ULK4: variants seen among roughly 807,000 people sequenced by gnomAD.
ULK4 encodes inactive serine/threonine-protein kinase ULK4.
Under a neutral mutation model 160.6 loss-of-function variants are expected in ULK4, and 133 were observed. The ratio of observed to expected loss-of-function variants is 0.83; its 90% CI spans 0.72 to 0.96. The LOEUF (loss-of-function observed/expected upper bound fraction) is 0.96, where lower values mean the gene tolerates loss of function less well. ULK4 is among the 40% of genes least tolerant of loss of function. The probability of loss-of-function intolerance (pLI) is 0.00; values close to 1 mark genes in which losing one functional copy is unlikely to be tolerated. For synonymous variants in ULK4, 534 were observed against 539.8 expected (o/e 0.99, Z 0.15); for missense variants, 1,580 against 1,499.5 (o/e 1.05, Z -0.89).
chr3:41,564,481 A>G (rs1459578610), intron 32 of ULK4, among the ~76,000 whole-genome samples: 3 of 105,896 alleles, frequency 2.8e-5, no homozygotes, highest in African/African-American at 1.1e-4. Flanking sequence ...TTTTTGAGAC[A>G]GTGTCTCACT....
At chr3:41,337,753 C>G (rs1007158468) in intron 35 of ULK4, among the ~76,000 whole-genome samples, 5 of 152,298 alleles carry the variant, frequency 3.3e-5, no homozygotes, top group South Asian at 2.1e-4. Flanking sequence ...CAACCACAGA[C>G]AGAAAATCCA....
At chr3:41,845,346 G>T (rs2042045199) in intron 17 of ULK4, among the ~76,000 whole-genome samples, 1 of 152,044 alleles carries the variant, frequency 6.6e-6, no homozygotes, top group Admixed American at 6.6e-5. Context: ...CAATAAAAAT[G>T]AACAAACAAC....
At chr3:41,694,026 A>C (rs1285679127) in intron 27 of ULK4, among the ~76,000 whole-genome samples, 5 of 152,206 alleles carry the variant, frequency 3.3e-5, no homozygotes, top group Non-Finnish European at 5.9e-5. Context: ...TCTGCAAACA[A>C]ATCGTGACCT....
intron 5 of ULK4, among the ~76,000 whole-genome samples, chr3:41,924,761 A>C (rs2148816833): frequency 6.6e-6 from 1 of 152,232 alleles, no homozygotes; most frequent in South Asian, 2.1e-4. Context: ...AATTTCCTTT[A>C]GTCCTATTTA....
chr3:41,905,883 T>C (rs562037315), intron 12 of ULK4, among the ~76,000 whole-genome samples: 6 of 152,152 alleles, frequency 3.9e-5, no homozygotes, highest in Admixed American at 2.6e-4. Context: ...CAGACTAGCC[T>C]GGCCAACATG....
intron 22 of ULK4, among the ~76,000 whole-genome samples, chr3:41,743,120 G>T (rs920263218): frequency 6.6e-6 from 1 of 151,760 alleles, no homozygotes; most frequent in Admixed American, 6.6e-5. Context: ...TATTCAAGAA[G>T]CTGATCAAAC....
intron 34 of ULK4, among the ~76,000 whole-genome samples, chr3:41,449,064 T>G (rs537427383): frequency 6.6e-6 from 1 of 152,006 alleles, no homozygotes; most frequent in African/African-American, 2.4e-5. Flanking sequence ...ACTACAGGCA[T>G]GCGCCACCAT....
intron 31 of ULK4, among the ~76,000 whole-genome samples, chr3:41,576,067 A>T (rs970328721): frequency 6.6e-6 from 1 of 152,178 alleles, no homozygotes; most frequent in African/African-American, 2.4e-5. Flanking sequence ...CACACAACAC[A>T]CTATCTGAGC....
intron 11 of ULK4, among the ~76,000 whole-genome samples, chr3:41,910,121 C>T (rs1046611506): frequency 6.6e-6 from 1 of 152,104 alleles, no homozygotes; most frequent in Non-Finnish European, 1.5e-5. Flanking sequence ...GTCTCAGTCT[C>T]CTGACCTCAG....
chr3:41,780,163 A>G (rs1262131509), intron 21 of ULK4, among the ~76,000 whole-genome samples: 2 of 151,474 alleles, frequency 1.3e-5, no homozygotes, highest in African/African-American at 2.4e-5. Context: ...AATACAAAAA[A>G]AAAGCCGAGT....
intron 32 of ULK4, among the ~76,000 whole-genome samples, chr3:41,507,663 A>G (rs1172398067): frequency 5.9e-5 from 9 of 151,336 alleles, no homozygotes; most frequent in East Asian, 1.9e-4. Flanking sequence ...TTTATCAACA[A>G]AAGTTACACT....
chr3:41,787,415 A>G (rs572295922), intron 21 of ULK4, among the ~76,000 whole-genome samples: 2 of 152,178 alleles, frequency 1.3e-5, no homozygotes, highest in South Asian at 4.2e-4. Context: ...TCGCACTCTC[A>G]CCCAGCAGTA....
chr3:41,862,799 C>G (rs1320687656), intron 17 of ULK4, among the ~76,000 whole-genome samples: 3 of 144,418 alleles, frequency 2.1e-5, no homozygotes, highest in Admixed American at 2.0e-4. Context: ...TCCCCCCCCC[C>G]TTTCTCTCTC....
At chr3:41,822,460 C>T (rs529290382) in intron 18 of ULK4, among the ~76,000 whole-genome samples, 6 of 152,044 alleles carry the variant, frequency 3.9e-5, no homozygotes, top group Non-Finnish European at 8.8e-5. Flanking sequence ...TCTTGTTGCC[C>T]AGGCTGGAGT....
intron 29 of ULK4, among the ~76,000 whole-genome samples, chr3:41,666,163 G>A (rs2035345239): frequency 6.6e-6 from 1 of 152,160 alleles, no homozygotes; most frequent in Non-Finnish European, 1.5e-5. Flanking sequence ...TTGGAGGTTG[G>A]TCATGTAGGC....
At chr3:41,610,935 G>A (rs759213634) in intron 31 of ULK4, among the ~76,000 whole-genome samples, 2 of 152,142 alleles carry the variant, frequency 1.3e-5, no homozygotes, top group Non-Finnish European at 2.9e-5. Context: ...GAAATAAAAT[G>A]AAGAAAGATT....
chr3:41,574,634 C>T (rs1319251917), intron 31 of ULK4, among the ~76,000 whole-genome samples: 3 of 150,618 alleles, frequency 2.0e-5, no homozygotes, highest in African/African-American at 7.3e-5. Context: ...CTCCGCCTCC[C>T]GGGTTCATGC....
At chr3:41,400,994 T>C (rs2082167813) in intron 34 of ULK4, among the ~76,000 whole-genome samples, 1 of 152,356 alleles carries the variant, frequency 6.6e-6, no homozygotes. Flanking sequence ...GGGTGTTTGA[T>C]TCTTTATTCT....
intron 34 of ULK4, among the ~76,000 whole-genome samples, chr3:41,451,784 C>T (rs2083431399): frequency 6.6e-6 from 1 of 152,110 alleles, no homozygotes; most frequent in Admixed American, 6.6e-5. Context: ...CCAAATGAAA[C>T]TGCTACTTTT....
Sources: allele counts gnomAD v4.1 joint callset (sites outside exome capture counted in the v4.1 genomes callset), GRCh38; gene constraint gnomAD v4.1.1; transcripts MANE v1.5; gene names NCBI Gene and HGNC (gene_info 2026-07-23, HGNC 2026-07-21).